DOCK8: variants seen among roughly 807,000 people sequenced by gnomAD.
DOCK8 encodes the protein dedicator of cytokinesis 8, also known as dedicator of cytokinesis protein 8.
DOCK8 carries 141 observed loss-of-function variants against 245.6 expected under a neutral mutation model. The ratio of observed to expected loss-of-function variants is 0.57; its 90% CI spans 0.50 to 0.66. The LOEUF is 0.66. DOCK8 is among the 30% of genes least tolerant of loss of function. The probability of loss-of-function intolerance (pLI) is 0.00; values close to 1 mark genes in which losing one functional copy is unlikely to be tolerated. For synonymous variants in DOCK8, 1,168 were observed against 970.2 expected, an observed-to-expected ratio of 1.20 and a Z score of -3.79; for missense variants, 2,965 against 2,603.4, an observed-to-expected ratio of 1.14 and a Z score of -3.02.
intron 1 of DOCK8, among the ~76,000 whole-genome samples, chr9:230,895 C>G (rs2047100654): frequency 6.6e-6 from 1 of 152,174 alleles, no homozygotes; most frequent in South Asian, 2.1e-4. Context: ...TGCAGAAGCT[C>G]TTTAGTTGAA....
At position 215,678 on chromosome 9, in the gene DOCK8, G is replaced by A. The variant is rs375806122; in HGVS notation, c.53+649G>A. On this transcript the variant is annotated intron_variant, in intron 1 of 47. Coordinates refer to ENST00000432829, the MANE Select transcript of DOCK8 (RefSeq NM_203447.4). ...TGTGGCTGACATTTTGAGATTTACA[G>A]AACTCCAGCAAAAAGCTAAGGACTG... 2.6e-3 allele frequency: 937 copies of A among 366,854 alleles called. 11 individuals carry two copies. The highest frequency in any genetic ancestry group is 0.024 in the South Asian group (221 of 9,072). The allele number at this position is 366,854 out of a possible 1,614,324, so 22.7% of individuals were successfully genotyped here. A position where few individuals can be genotyped will look rare whatever the true frequency, so the allele number is the denominator to read the frequency against.
At chr9:431,178 C>T (rs1227107886) in intron 36 of DOCK8, among the ~76,000 whole-genome samples, 1 of 152,106 alleles carries the variant, frequency 6.6e-6, no homozygotes, top group Non-Finnish European at 1.5e-5. Flanking sequence ...CTAGCCAAGA[C>T]TTGAGTTTTA....
At chr9:447,505 T>A (rs2057301711) in intron 44 of DOCK8, among the ~76,000 whole-genome samples, 1 of 152,234 alleles carries the variant, frequency 6.6e-6, no homozygotes, top group Non-Finnish European at 1.5e-5. Context: ...ATGTTTATGA[T>A]GTTTTTCTCC....
rs1207868802 is a variant in DOCK8, at chr9:233,433, G to A, written c.53+18404G>A. Among the ~76,000 whole-genome samples, 3 of 152,112 alleles carry A rather than the reference G, an allele frequency of 2.0e-5. No individual in the cohort carries two copies. In the South Asian group the frequency reaches 6.2e-4, roughly 32 times the overall value. Reference sequence around the variant, plus strand: ...TAGGTCTGCTTGGTGCAGAGCTGAGGTCAATTCCTCGGTATCCTTGTTGAC... The same window carrying A: ...TAGGTCTGCTTGGTGCAGAGCTGAGATCAATTCCTCGGTATCCTTGTTGAC... On this transcript the variant is annotated intron_variant, in intron 1 of 47. Coordinates refer to ENST00000432829, the MANE Select transcript of DOCK8 (RefSeq NM_203447.4).
intron 1 of DOCK8, among the ~76,000 whole-genome samples, chr9:232,690 G>T (rs1169700833): frequency 2.6e-5 from 4 of 152,172 alleles, no homozygotes; most frequent in African/African-American, 9.7e-5. Context: ...GCAAAGAGGT[G>T]TTTATAGTAT....
chr9:271,877 C>A, intron 2 of DOCK8, 148 bp downstream of exon 2: 3 of 660,208 alleles, frequency 4.5e-6, no homozygotes, highest in Non-Finnish European at 8.0e-6. Context: ...GTCTGGACAT[C>A]AGACAATATC....
chr9:368,868 C>T (rs1489182869), intron 15 of DOCK8: 1 of 134,020 alleles, frequency 7.5e-6, no homozygotes, highest in African/African-American at 2.8e-5. Context: ...TTTGCCCAGG[C>T]TGGAGTACAA....
chr9:399,997 TCC>T (rs2054680501), intron 26 of DOCK8, among the ~76,000 whole-genome samples: 2 of 57,850 alleles, frequency 3.5e-5, no homozygotes, highest in African/African-American at 8.3e-5. Flanking sequence ...TCCCACCACC[TCC>T]ACCACCTCCA....
At chr9:238,652 A>G (rs986958765) in intron 1 of DOCK8, among the ~76,000 whole-genome samples, 1 of 152,204 alleles carries the variant, frequency 6.6e-6, no homozygotes, top group Admixed American at 6.5e-5. Context: ...CAATTTTGCC[A>G]TAGGCTAATG....
intron 1 of DOCK8, among the ~76,000 whole-genome samples, chr9:255,494 C>T (rs1004613496): frequency 6.6e-6 from 1 of 151,772 alleles, no homozygotes; most frequent in African/African-American, 2.4e-5. Flanking sequence ...ATGGTGAAAC[C>T]CCATCTCTAC....
At chr9:435,276 G>GT (rs563684323) in intron 39 of DOCK8, among the ~76,000 whole-genome samples, 1 of 151,894 alleles carries the variant, frequency 6.6e-6, no homozygotes, top group Non-Finnish European at 1.5e-5. Context: ...TCGTCGTTGG[G>GT]TTTTTTTTAA....
intron 35 of DOCK8, among the ~76,000 whole-genome samples, chr9:429,247 G>A (rs780750626): frequency 8.5e-5 from 13 of 152,218 alleles, no homozygotes; most frequent in African/African-American, 2.4e-4. Flanking sequence ...GATTACAGGC[G>A]TGAGCCCCCG....
At chr9:227,326 C>T (rs1263077948) in intron 1 of DOCK8, among the ~76,000 whole-genome samples, 7 of 152,168 alleles carry the variant, frequency 4.6e-5, no homozygotes, top group African/African-American at 1.2e-4. Flanking sequence ...TTGTTTAAGA[C>T]GATGTAGTAG....
intron 2 of DOCK8, among the ~76,000 whole-genome samples, chr9:276,329 T>G (rs1174893369): frequency 1.3e-5 from 2 of 152,240 alleles, no homozygotes; most frequent in Non-Finnish European, 2.9e-5. Context: ...TACAGATATA[T>G]CCTTAGAAAA....
intron 14 of DOCK8, among the ~76,000 whole-genome samples, chr9:342,743 C>T (rs963520104): frequency 3.3e-5 from 5 of 152,158 alleles, no homozygotes; most frequent in Non-Finnish European, 5.9e-5. Flanking sequence ...GCTGGGATTA[C>T]AGGTGTGAGC....
chr9:368,785 T>C (rs2053141024), intron 15 of DOCK8: 1 of 151,332 alleles, frequency 6.6e-6, no homozygotes. Context: ...CCATAAGTCA[T>C]AGAATTCAGT....
chr9:412,780 A>G (rs970205710), intron 28 of DOCK8, among the ~76,000 whole-genome samples: 1 of 152,156 alleles, frequency 6.6e-6, no homozygotes, highest in Non-Finnish European at 1.5e-5. Context: ...GGAGGATATC[A>G]TATGTTCATG....
At chr9:393,048 T>G (rs894189668) in intron 24 of DOCK8, among the ~76,000 whole-genome samples, 1 of 128,208 alleles carries the variant, frequency 7.8e-6, no homozygotes, top group Non-Finnish European at 1.5e-5. Flanking sequence ...ATCATGCCAT[T>G]GCACTCCAGC....
Position 406,949 on chromosome 9 carries a change from G to C in DOCK8, c.3410G>C (p.Ser1137Thr), listed in dbSNP as rs1278291454. 1.2e-6 allele frequency: 2 copies of C among 1,614,062 alleles called. No individual in the cohort carries two copies. The highest frequency in any genetic ancestry group is 8.5e-7 in the Non-Finnish European group (1 of 1,180,014). ...ISSQNSSSCSSFQDQKIASMF... is the reference protein window; with the variant it reads ...ISSQNSSSCSTFQDQKIASMF... Reference sequence around the variant, plus strand: ...CTGTAGAACTCAAGCTCCTGCTCCAGCTTCCAGGACCAGAAGATCGCCAGC... The same window carrying C: ...CTGTAGAACTCAAGCTCCTGCTCCACCTTCCAGGACCAGAAGATCGCCAGC... Residue 1137 changes from serine (S) to threonine (T), a missense_variant, in exon 28 of 48, where the codon AGC becomes ACC. Ser to Thr is a moderately conservative substitution (Grantham distance 58). Coordinates refer to ENST00000432829, the MANE Select transcript of DOCK8 (RefSeq NM_203447.4).
Sources: gnomAD v4.1 joint callset for allele counts (sites outside exome capture counted in the v4.1 genomes callset) on GRCh38, gnomAD v4.1.1 for gene constraint, MANE v1.5 for transcripts, NCBI Gene and HGNC (gene_info 2026-07-23, HGNC 2026-07-21) for gene names.